CSMD3: variants seen among roughly 807,000 people sequenced by gnomAD.
The protein encoded by CSMD3 is CUB and Sushi multiple domains 3, also known as CUB and sushi domain-containing protein 3.
A neutral mutation model predicts 435.2 loss-of-function variants in CSMD3; 177 were observed. That is an observed-to-expected ratio of 0.41 (90% CI 0.36 to 0.46). The LOEUF is 0.46. CSMD3 is among the 20% of genes least tolerant of loss of function. CSMD3 has a pLI of 0.34. For synonymous variants in CSMD3, 1,656 were observed against 1,520.5 expected (o/e 1.09, Z -2.07); for missense variants, 4,265 against 4,504.6 (o/e 0.95, Z 1.52).
chr8:113,260,576 C>A (rs1320099696), intron 3 of CSMD3, among the ~76,000 whole-genome samples: 1 of 152,098 alleles, frequency 6.6e-6, no homozygotes, highest in Non-Finnish European at 1.5e-5. Context: ...GACATGTTAA[C>A]TTGTTAACTC....
chr8:112,597,704 T>G (rs1335780533), intron 22 of CSMD3, among the ~76,000 whole-genome samples: 2 of 136,494 alleles, frequency 1.5e-5, no homozygotes, highest in Non-Finnish European at 3.1e-5. Flanking sequence ...GATGCAAGGC[T>G]GGTTCAATAT....
intron 3 of CSMD3, among the ~76,000 whole-genome samples, chr8:113,225,787 T>C (rs1357202040): frequency 6.6e-6 from 1 of 151,508 alleles, no homozygotes; most frequent in African/African-American, 2.4e-5. Context: ...AGAATTTCTT[T>C]CTTTAATCAG....
intron 6 of CSMD3, 24 bp downstream of exon 6, chr8:113,019,043 G>T: frequency 7.3e-7 from 1 of 1,374,404 alleles, no homozygotes; most frequent in Non-Finnish European, 1.0e-6. Context: ...TATCAAAAGA[G>T]GCAAAGGTAT....
chr8:112,846,645 A>G (rs959031599), intron 11 of CSMD3, among the ~76,000 whole-genome samples: 5 of 151,978 alleles, frequency 3.3e-5, no homozygotes, highest in Admixed American at 3.3e-4. Flanking sequence ...CCTGGCCTCA[A>G]GTGATCCTCC....
intron 13 of CSMD3, among the ~76,000 whole-genome samples, chr8:112,737,379 T>A (rs2077209104): frequency 6.6e-6 from 1 of 152,012 alleles, no homozygotes; most frequent in Admixed American, 6.6e-5. Context: ...TAAGTTTTTG[T>A]TAAAATCACT....
chr8:112,331,809 G>A (rs975073848), intron 45 of CSMD3, among the ~76,000 whole-genome samples: 1 of 151,950 alleles, frequency 6.6e-6, no homozygotes, highest in Non-Finnish European at 1.5e-5. Context: ...GGCATACTCA[G>A]CCAGCTTAAA....
intron 5 of CSMD3, among the ~76,000 whole-genome samples, chr8:113,044,732 CAT>C (rs1246596527): frequency 6.7e-6 from 1 of 149,004 alleles, no homozygotes; most frequent in African/African-American, 2.4e-5. Context: ...TAATTTACAC[CAT>C]CTCATCCTTT....
intron 5 of CSMD3, among the ~76,000 whole-genome samples, chr8:113,090,076 T>C (rs534387993): frequency 1.8e-4 from 27 of 152,248 alleles, no homozygotes; most frequent in Admixed American, 5.9e-4. Flanking sequence ...GAAGTTTTAA[T>C]GTTTCGCTTT....
intron 53 of CSMD3, among the ~76,000 whole-genome samples, chr8:112,300,522 A>G (rs548876556): frequency 6.6e-6 from 1 of 151,986 alleles, no homozygotes; most frequent in Non-Finnish European, 1.5e-5. Context: ...CCTCATCCAT[A>G]TGCCCAACCT....
intron 39 of CSMD3, among the ~76,000 whole-genome samples, chr8:112,351,966 A>T (rs1326757543): frequency 6.6e-6 from 1 of 152,038 alleles, no homozygotes; most frequent in Non-Finnish European, 1.5e-5. Flanking sequence ...TTCCTTAGCA[A>T]AATATACTTG....
At chr8:112,880,322 G>C (rs942319601) in intron 10 of CSMD3, among the ~76,000 whole-genome samples, 1 of 151,996 alleles carries the variant, frequency 6.6e-6, no homozygotes, top group African/African-American at 2.4e-5. Context: ...AAAAGAATAA[G>C]GTGGGATCCT....
chr8:112,758,006 T>G (rs2077741609), intron 13 of CSMD3, among the ~76,000 whole-genome samples: 1 of 151,770 alleles, frequency 6.6e-6, no homozygotes, highest in African/African-American at 2.4e-5. Flanking sequence ...CAGTGAGCCG[T>G]GATCAGGCAA....
chr8:112,353,328 T>A (rs1408324528), intron 38 of CSMD3, among the ~76,000 whole-genome samples: 1 of 152,032 alleles, frequency 6.6e-6, no homozygotes, highest in Non-Finnish European at 1.5e-5. Flanking sequence ...AGGCGGAGGT[T>A]GCAGTGAGCT....
chr8:112,850,732 AC>A (rs1426876974), intron 11 of CSMD3, among the ~76,000 whole-genome samples: 2 of 152,150 alleles, frequency 1.3e-5, no homozygotes, highest in Non-Finnish European at 2.9e-5. Context: ...TTTCTTCTTC[AC>A]TTTCTATGTC....
intron 1 of CSMD3, among the ~76,000 whole-genome samples, chr8:113,427,487 A>T (rs1040239610): frequency 7.8e-6 from 1 of 128,704 alleles, no homozygotes; most frequent in African/African-American, 2.9e-5. Context: ...AATTATGTCT[A>T]AAAAAAAAAA....
At chr8:112,371,268 T>C (rs1828365236) in intron 38 of CSMD3, among the ~76,000 whole-genome samples, 1 of 152,198 alleles carries the variant, frequency 6.6e-6, no homozygotes, top group African/African-American at 2.4e-5. Context: ...CCTTAAAATA[T>C]TGTTAGAATG....
At chr8:112,763,783 G>A (rs1357456241) in intron 13 of CSMD3, among the ~76,000 whole-genome samples, 1 of 150,654 alleles carries the variant, frequency 6.6e-6, no homozygotes, top group Admixed American at 6.7e-5. Flanking sequence ...GTTTCATGTG[G>A]GCACTAAATT....
intron 59 of CSMD3, among the ~76,000 whole-genome samples, chr8:112,275,636 G>A (rs111307193): frequency 0.013 from 1,923 of 152,208 alleles, 51 homozygotes; most frequent in African/African-American, 0.042. Flanking sequence ...GAAGGTGGAA[G>A]GCACATCTTA....
intron 9 of CSMD3, among the ~76,000 whole-genome samples, chr8:112,943,065 T>G (rs2083499946): frequency 6.6e-6 from 1 of 151,708 alleles, no homozygotes; most frequent in Admixed American, 6.6e-5. Flanking sequence ...TAATTTGAAG[T>G]TCCCTAATTA....
Sources: allele counts gnomAD v4.1 joint callset (sites outside exome capture counted in the v4.1 genomes callset), GRCh38; gene constraint gnomAD v4.1.1; transcripts MANE v1.5; gene names NCBI Gene and HGNC (gene_info 2026-07-23, HGNC 2026-07-21).